INTS6: variants seen among roughly 807,000 people sequenced by gnomAD.
INTS6 encodes DEAD box protein.
Under a neutral mutation model 104.9 loss-of-function variants are expected in INTS6, and 16 were observed. The observed-to-expected ratio is 0.15, with a 90% CI of 0.10 to 0.23. The LOEUF (loss-of-function observed/expected upper bound fraction) is 0.23, where lower values mean the gene tolerates loss of function less well. Among genes scored for constraint, INTS6 ranks in the 10% least tolerant of loss-of-function variants. The pLI is 1.00. For missense variants in INTS6, 584 were observed against 1,062.8 expected, an observed-to-expected ratio of 0.55 and a Z score of 6.26; for synonymous variants, 324 against 358.7, an observed-to-expected ratio of 0.90 and a Z score of 1.09.
rs567507299 is a variant in INTS6 at position 51,375,775 on chromosome 13, G to C, written c.1729+273C>G. Among the ~76,000 whole-genome samples the C allele has an allele frequency of 4.6e-5, 7 of 152,008 alleles. No individual in the cohort carries two copies. The East Asian group carries it at 1.3e-3, about 29-fold the overall frequency. ...TGTGTGTGTGTGTGTGTGCGCGCGC[G>C]TGCGCGCATGAATGCATGAGAAAAG... On this transcript the variant is annotated intron_variant, in intron 13 of 17. Transcript: ENST00000311234.
intron 15 of INTS6, among the ~76,000 whole-genome samples, chr13:51,373,097 G>A (rs567935458): frequency 1.1e-4 from 16 of 151,832 alleles, no homozygotes; most frequent in East Asian, 9.6e-4. Flanking sequence ...GTCCTGTAGA[G>A]TTTTCTACAA....
chr13:51,376,174 C>T lies in INTS6; in HGVS notation c.1603G>A (p.Asp535Asn). 3.1e-6 allele frequency: 5 copies of T among 1,596,486 alleles called. No individual in the cohort carries two copies. The East Asian group carries it at 1.1e-4, about 36-fold the overall frequency. ...TGFQVALLNK[D>N]LKPQTFRNAY... ...TTTCTAAATGTCTGTGGCTTCAAATCCTATTAAACAACATTCGAGGACAAA... is the reference window on the plus strand; with the variant it reads ...TTTCTAAATGTCTGTGGCTTCAAATTCTATTAAACAACATTCGAGGACAAA... The change falls in exon 13 of 18, where the codon GAT (aspartate) becomes AAT (asparagine). Residue 535 changes from aspartate (D) to asparagine (N), a missense_variant and splice_region_variant. Asp to Asn is a conservative substitution (Grantham distance 23). This residue lies in a region of INTS6 where 296 missense variants were observed against 437.0 expected (regional missense o/e 0.68). Coordinates refer to ENST00000311234, the MANE Select transcript of INTS6 (RefSeq NM_012141.3).
the INTS6 span, chr13:51,344,190 G>A: frequency 4.2e-6 from 5 of 1,199,678 alleles, no homozygotes; most frequent in Non-Finnish European, 4.9e-6. Flanking sequence ...GTGTGCTGGA[G>A]GTTGTGCTAA....
chr13:51,342,178 C>CAAAAAAAAAAAA, the INTS6 span, among the ~76,000 whole-genome samples: 11 of 63,464 alleles, frequency 1.7e-4, no homozygotes, highest in East Asian at 1.1e-3. Flanking sequence ...AAAGACAGAA[C>CAAAAAAAAAAAA]AAAAAAAAAA....
downstream of INTS6, among the ~76,000 whole-genome samples, chr13:51,359,446 C>T (rs894609245): frequency 2.0e-5 from 3 of 152,054 alleles, no homozygotes; most frequent in Non-Finnish European, 4.4e-5. Context: ...TGGTTTATGG[C>T]TGTGCAAACA....
Position 51,452,714 on chromosome 13 carries a change from G to C in INTS6, c.-189C>G, listed in dbSNP as rs1362591497. 1 of 1,307,358 alleles carries C rather than the reference G, an allele frequency of 7.6e-7. No individual in the cohort carries two copies. Among genetic ancestry groups the C allele is most frequent in the East Asian group, 3.8e-5 (1 of 26,626 alleles). 81.0% of individuals were successfully genotyped at this position (1,307,358 alleles called of 1,614,324 possible). A position where few individuals can be genotyped will look rare whatever the true frequency, so the allele number is the denominator to read the frequency against. On this transcript the variant is annotated 5_prime_UTR_variant, in exon 1 of 18. Coordinates refer to ENST00000311234, the MANE Select transcript of INTS6 (RefSeq NM_012141.3). The surrounding 1 kb of genome is among the most constrained non-coding windows in gnomAD (Gnocchi z 4.2). ...CCGATAGTTGAGAGGAAACTCCCCA[G>C]ACCCAGTGCTCCCCGTCGTACCCCC...
chr13:51,379,784 A>G (rs1956009970), intron 10 of INTS6, among the ~76,000 whole-genome samples: 1 of 152,092 alleles, frequency 6.6e-6, no homozygotes, highest in Non-Finnish European at 1.5e-5. Flanking sequence ...AGGCCATAAT[A>G]ACTCCCCAAG....
In INTS6 at chr13:51,383,448, T is replaced by C. The variant is rs1412527957; in HGVS notation, c.1061A>G (p.Asn354Ser). ...PQTCWQVYVS[N>S]SAKYSELGHP... is the part of the protein sequence containing the mutation. Reference sequence around the variant, plus strand: ...ACCAAGTTCACTGTATTTTGCACTATTGCTCACGTACACCTGTTAAAAAGG... The same window carrying C: ...ACCAAGTTCACTGTATTTTGCACTACTGCTCACGTACACCTGTTAAAAAGG... Residue 354 changes from asparagine to serine, a missense_variant, in exon 9 of 18, where the codon AAT becomes AGT. Asn to Ser is a conservative substitution (Grantham distance 46). This residue lies in a region of INTS6 where 144 missense variants were observed against 348.7 expected (regional missense o/e 0.41). Coordinates refer to ENST00000311234, the MANE Select transcript of INTS6 (RefSeq NM_012141.3). The C allele has an allele frequency of 1.2e-6, 2 of 1,613,856 alleles. No homozygotes were observed. The highest frequency in any genetic ancestry group is 1.7e-6 in the Non-Finnish European group (2 of 1,179,880).
At chr13:51,385,448 T>A (rs181995032) in intron 7 of INTS6, among the ~76,000 whole-genome samples, 1 of 152,304 alleles carries the variant, frequency 6.6e-6, no homozygotes, top group African/African-American at 2.4e-5. Context: ...ACTTATTCTG[T>A]GAATAAAAAT....
chr13:51,390,170 T>C (rs1015668321), intron 5 of INTS6, among the ~76,000 whole-genome samples: 1 of 152,042 alleles, frequency 6.6e-6, no homozygotes, highest in African/African-American at 2.4e-5. Context: ...CAAAAATATC[T>C]AGACCTTTGC....
intron 7 of INTS6, among the ~76,000 whole-genome samples, chr13:51,386,060 T>C (rs767882244): frequency 3.3e-5 from 5 of 152,216 alleles, no homozygotes; most frequent in African/African-American, 4.8e-5. Flanking sequence ...CCTATATACA[T>C]GTTATGATCC....
chr13:51,347,212 C>A, the INTS6 span: 1 of 1,613,842 alleles, frequency 6.2e-7, no homozygotes, highest in Non-Finnish European at 8.5e-7. Flanking sequence ...CCATGATGCA[C>A]CAAACGACCG....
rs1176667485 is a variant in INTS6, at chr13:51,429,781, A to AT, written c.429+512_429+513insA. 3.2e-5 allele frequency among the ~76,000 whole-genome samples: 4 copies of AT among 126,168 alleles called. No individual in the cohort carries two copies. In the East Asian group the frequency reaches 7.2e-4, roughly 23 times the overall value. 82.8% of individuals were successfully genotyped at this position (126,168 alleles called of 152,430 possible). ...TCTGTCTCAAAAAAAAAAAAAAAAAAAAAAATATATATATATATATATATA... is the reference window on the plus strand; with the variant it reads ...TCTGTCTCAAAAAAAAAAAAAAAAAATAAAAATATATATATATATATATATA... On this transcript the variant is annotated intron_variant, in intron 4 of 17. Transcript: ENST00000311234.
At chr13:51,435,981 C>T (rs1952678587) in intron 3 of INTS6, among the ~76,000 whole-genome samples, 1 of 152,070 alleles carries the variant, frequency 6.6e-6, no homozygotes, top group South Asian at 2.1e-4. Context: ...ACAAATTTCA[C>T]ATTTGTTTTA....
chr13:51,430,411 CA>C, intron 3 of INTS6, 28 bp from the exon 4 acceptor site: 3 of 1,566,212 alleles, frequency 1.9e-6, no homozygotes, highest in Non-Finnish European at 1.7e-6. Context: ...ATTGATCATA[CA>C]AAGATTTAGA....
downstream of INTS6, chr13:51,361,537 G>A: frequency 1.7e-6 from 1 of 593,114 alleles, no homozygotes; most frequent in Non-Finnish European, 3.0e-6. Flanking sequence ...AAAATGACGG[G>A]GAAGAAGAGA....
Position 51,365,654 on chromosome 13 carries a change from C to G in INTS6, c.*98G>C, listed in dbSNP as rs116544739. On this transcript the variant is annotated 3_prime_UTR_variant, in exon 18 of 18. Coordinates refer to ENST00000311234, the MANE Select transcript of INTS6 (RefSeq NM_012141.3). ...TGCTTTTAGTATTTCAAATAGCCAA[C>G]AATGCATGTCAGAAAATGAATGCAA... 5.4e-4 allele frequency: 303 copies of G among 560,348 alleles called. 1 individual carries two copies. Among genetic ancestry groups the G allele is most frequent in the African/African-American group, 5.1e-3 (266 of 52,004 alleles). The allele number at this position is 560,348 out of a possible 1,614,324, so 34.7% of individuals were successfully genotyped here. A position where few individuals can be genotyped will look rare whatever the true frequency, so the allele number is the denominator to read the frequency against.
At chr13:51,410,389 CAG>C (rs1165921207) in intron 4 of INTS6, among the ~76,000 whole-genome samples, 1 of 152,096 alleles carries the variant, frequency 6.6e-6, no homozygotes, top group East Asian at 1.9e-4. Flanking sequence ...ATCAACAAAA[CAG>C]AATAGAAAGT....
In INTS6 at chr13:51,374,644, T is replaced by C. The variant is rs1955881154; in HGVS notation, c.1872+10A>G. The C allele has an allele frequency of 6.2e-7, 1 of 1,612,478 alleles. No homozygotes were observed. The highest frequency in any genetic ancestry group is 2.2e-5 in the East Asian group (1 of 44,818). ...TAAACAAATTACATAATAGAACATTTCAAAATTACCTTCTTATCCAGCTTA... is the reference window on the plus strand; with the variant it reads ...TAAACAAATTACATAATAGAACATTCCAAAATTACCTTCTTATCCAGCTTA... On this transcript the variant is annotated intron_variant, in intron 14 of 17. Coordinates refer to ENST00000311234, the MANE Select transcript of INTS6 (RefSeq NM_012141.3).
Sources: gnomAD v4.1 joint callset for allele counts (sites outside exome capture counted in the v4.1 genomes callset) on GRCh38, gnomAD v4.1.1 for gene constraint, gnomAD v4.1.1 regional missense constraint, Gnocchi (gnomAD v3.1) non-coding constraint, MANE v1.5 for transcripts, NCBI Gene and HGNC (gene_info 2026-07-23, HGNC 2026-07-21) for gene names.